DAB1: variants seen among roughly 807,000 people sequenced by gnomAD.
DAB1 encodes the protein disabled homolog 1.
Under a neutral mutation model 64.6 loss-of-function variants are expected in DAB1, and 15 were observed. That is an observed-to-expected ratio of 0.23 (90% CI 0.16 to 0.36). The LOEUF (loss-of-function observed/expected upper bound fraction) is 0.36. DAB1 is among the 10% of genes least tolerant of loss of function. DAB1 has a pLI of 1.00. For missense variants in DAB1, 596 were observed against 706.7 expected (o/e 0.84, Z 1.78); for synonymous variants, 235 against 251.9 (o/e 0.93, Z 0.64).
intron 3 of DAB1, among the ~76,000 whole-genome samples, chr1:58,470,856 T>C (rs1021830075): frequency 1.3e-5 from 2 of 152,128 alleles, no homozygotes; most frequent in Admixed American, 6.5e-5. Flanking sequence ...GCTCTTCTTA[T>C]TTGATTGAGC....
rs114388260 is a variant in DAB1 at position 57,134,249 on chromosome 1, C to T, written c.306+2294G>A. 4.6e-3 allele frequency among the ~76,000 whole-genome samples: 701 copies of T among 152,166 alleles called. 7 individuals carry two copies. Among genetic ancestry groups the T allele is most frequent in the African/African-American group, 0.016 (672 of 41,506 alleles). ...GTCTTGGTTCCATTCCTTGAGGTCA[C>T]ACAGAGCAAGTCAGCTCCTCTTCCT... is the stretch of plus-strand genomic sequence containing the variant. On this transcript the variant is annotated intron_variant, in intron 4 of 14. Transcript: ENST00000371236.
At chr1:57,006,786 C>T (rs1646086333) in intron 14 of DAB1, among the ~76,000 whole-genome samples, 1 of 152,016 alleles carries the variant, frequency 6.6e-6, no homozygotes, top group Non-Finnish European at 1.5e-5. Flanking sequence ...AATAATAATC[C>T]CAAATACATG....
intron 1 of DAB1, among the ~76,000 whole-genome samples, chr1:57,352,330 C>T (rs928789836): frequency 2.0e-5 from 3 of 152,114 alleles, no homozygotes; most frequent in Non-Finnish European, 2.9e-5. Flanking sequence ...ATATAAAGTA[C>T]TTAAGTACAG....
At chr1:57,055,777 C>A (rs906887392) in intron 9 of DAB1, among the ~76,000 whole-genome samples, 2 of 149,250 alleles carry the variant, frequency 1.3e-5, no homozygotes, top group African/African-American at 2.6e-5. Flanking sequence ...TTTATTCATG[C>A]ATACATTTTT....
chr1:57,260,918 G>A (rs542647255), intron 2 of DAB1, among the ~76,000 whole-genome samples: 45 of 152,264 alleles, frequency 3.0e-4, no homozygotes, highest in African/African-American at 9.4e-4. Context: ...ACCAGCCTGC[G>A]TTCACACTCT....
intron 6 of DAB1, among the ~76,000 whole-genome samples, chr1:57,714,477 T>C (rs1468388920): frequency 1.3e-5 from 2 of 152,192 alleles, no homozygotes; most frequent in Non-Finnish European, 2.9e-5. Context: ...GGAAGCTTTT[T>C]CTGGGGAGAA....
intron 2 of DAB1, among the ~76,000 whole-genome samples, chr1:57,278,530 G>A (rs1046760286): frequency 1.3e-5 from 2 of 152,182 alleles, no homozygotes; most frequent in African/African-American, 4.8e-5. Context: ...AGCTTCATCT[G>A]GAGTGAAAAC....
At chr1:57,115,121 G>A (rs1655996081) in intron 4 of DAB1, among the ~76,000 whole-genome samples, 1 of 152,150 alleles carries the variant, frequency 6.6e-6, no homozygotes, top group Admixed American at 6.5e-5. Context: ...ACGCTAAACA[G>A]AAACACAGGA....
chr1:57,751,111 A>G (rs891420278), intron 6 of DAB1, among the ~76,000 whole-genome samples: 6 of 152,104 alleles, frequency 3.9e-5, no homozygotes, highest in African/African-American at 1.4e-4. Context: ...ATGGTACACA[A>G]TCCAAAGGTT....
chr1:57,595,681 G>A (rs1317998113), intron 7 of DAB1, among the ~76,000 whole-genome samples: 2 of 151,906 alleles, frequency 1.3e-5, no homozygotes, highest in African/African-American at 2.4e-5. Context: ...TTGGAGGTGG[G>A]GTCTGGTGAG....
chr1:58,045,935 A>T (rs1647235241), intron 5 of DAB1, among the ~76,000 whole-genome samples: 2 of 145,142 alleles, frequency 1.4e-5, no homozygotes, highest in Non-Finnish European at 1.5e-5. Flanking sequence ...AAGATTATCA[A>T]TTTTTTTTTT....
chr1:58,149,217 G>A (rs888827542), intron 5 of DAB1, among the ~76,000 whole-genome samples: 3 of 152,140 alleles, frequency 2.0e-5, no homozygotes, highest in African/African-American at 7.2e-5. Context: ...CAAGTTTTAT[G>A]ATAGGTATGA....
At chr1:57,205,680 G>A (rs1665479824) in intron 2 of DAB1, among the ~76,000 whole-genome samples, 2 of 152,182 alleles carry the variant, frequency 1.3e-5, no homozygotes, top group Non-Finnish European at 1.5e-5. Context: ...AGAGAAAACT[G>A]ATGCTCAAAA....
At chr1:58,286,968 C>G (rs914064783) in intron 4 of DAB1, among the ~76,000 whole-genome samples, 1 of 152,158 alleles carries the variant, frequency 6.6e-6, no homozygotes, top group African/African-American at 2.4e-5. Context: ...TACATATACA[C>G]CGTGGAATAC....
At chr1:57,494,272 C>G (rs1051319248) in intron 7 of DAB1, among the ~76,000 whole-genome samples, 4 of 150,110 alleles carry the variant, frequency 2.7e-5, no homozygotes, top group Non-Finnish European at 4.4e-5. Flanking sequence ...TTTTTACATT[C>G]TAATCATTTT....
chr1:57,217,349 C>T (rs1666503540), intron 2 of DAB1, among the ~76,000 whole-genome samples: 1 of 152,038 alleles, frequency 6.6e-6, no homozygotes, highest in Non-Finnish European at 1.5e-5. Flanking sequence ...CTTGGTCAGC[C>T]TTATGGGGCC....
intron 2 of DAB1, among the ~76,000 whole-genome samples, chr1:57,280,380 G>C (rs1416617509): frequency 6.6e-6 from 1 of 152,112 alleles, no homozygotes; most frequent in Non-Finnish European, 1.5e-5. Flanking sequence ...ATAGGAGATT[G>C]CTGAAATCTC....
chr1:57,137,151 T>G (rs1392201002), intron 3 of DAB1, among the ~76,000 whole-genome samples: 1 of 152,178 alleles, frequency 6.6e-6, no homozygotes, highest in Non-Finnish European at 1.5e-5. Context: ...AAAAATGTGA[T>G]CAATATAATT....
intron 5 of DAB1, among the ~76,000 whole-genome samples, chr1:58,089,103 G>A (rs58745009): frequency 0.23 from 34,830 of 152,174 alleles, 4,460 homozygotes; most frequent in East Asian, 0.39. Flanking sequence ...ATAACTCATG[G>A]ATTTGTGAAA....
Sources: gnomAD v4.1 joint callset for allele counts (sites outside exome capture counted in the v4.1 genomes callset) on GRCh38, gnomAD v4.1.1 for gene constraint, MANE v1.5 for transcripts, NCBI Gene and HGNC (gene_info 2026-07-23, HGNC 2026-07-21) for gene names.